ARHGEF7: variants seen among roughly 807,000 people sequenced by gnomAD.
The protein encoded by ARHGEF7 is Rho guanine nucleotide exchange factor 7, also known as PAK-interacting exchange factor beta.
A neutral mutation model predicts 109.8 loss-of-function variants in ARHGEF7; 33 were observed. The ratio of observed to expected loss-of-function variants is 0.30; its 90% CI spans 0.23 to 0.40. ARHGEF7 has a LOEUF of 0.40. ARHGEF7 is among the 10% of genes least tolerant of loss of function. The pLI, the probability that ARHGEF7 is intolerant of heterozygous loss-of-function variation, is 1.00. For missense variants in ARHGEF7, 938 were observed against 1,098.5 expected (o/e 0.85, Z 2.07); for synonymous variants, 458 against 424.6 (o/e 1.08, Z -0.97).
chr13:111,150,932 G>A (rs879203138), intron 1 of ARHGEF7, among the ~76,000 whole-genome samples: 4 of 152,294 alleles, frequency 2.6e-5, no homozygotes, highest in African/African-American at 7.2e-5. Flanking sequence ...TCAACTTCTG[G>A]AATGAAGCAG....
In ARHGEF7 at chr13:111,239,136, C is replaced by A. The variant is rs1423713349; in HGVS notation, c.760-4736C>A. On this transcript the variant is annotated intron_variant, in intron 6 of 21. Transcript: ENST00000646102. This position sits in a 1 kb window ranked among gnomAD's most constrained non-coding sequence, Gnocchi z 4.3. ...CGCTGCGTGCCCCTGCTCCCCCACA[C>A]CCCCGTGCCATGATTCAGTTACCTC... is the stretch of plus-strand genomic sequence containing the variant. 6.6e-6 allele frequency among the ~76,000 whole-genome samples: 1 copy of A among 152,112 alleles called. No individual in the cohort carries two copies.
At chr13:111,143,117 G>T (rs2075426537) in intron 1 of ARHGEF7, among the ~76,000 whole-genome samples, 1 of 152,208 alleles carries the variant, frequency 6.6e-6, no homozygotes, top group African/African-American at 2.4e-5. Flanking sequence ...GAGAACACAA[G>T]TATGAACAGC....
intron 1 of ARHGEF7, among the ~76,000 whole-genome samples, chr13:111,127,724 T>C (rs2067673907): frequency 6.7e-6 from 1 of 149,658 alleles, no homozygotes; most frequent in Non-Finnish European, 1.5e-5. Flanking sequence ...TCCCAAACCA[T>C]TCTAAGTGGT....
rs1184863598 is a variant in ARHGEF7, at chr13:111,283,180, C to G, written c.1767C>G (p.Asp589Glu). The change falls in exon 16 of 22, where the codon GAC becomes GAG. Residue 589 changes from aspartate (D) to glutamate (E), a missense_variant. Physicochemically the swap from Asp to Glu is conservative, Grantham distance 45. Around this residue, in one of 4 missense-constraint regions of ARHGEF7, gnomAD observed 585 missense variants for 723.6 expected, o/e 0.81. Transcript: ENST00000646102. ...HPVTPSSKHA[D>E]SKPAPLTPAY... Reference sequence around the variant, plus strand: ...TCACTCCGTCCAGCAAGCACGCAGACAGCAAGCCCGCGCCGCTGACGCCCG... The same window carrying G: ...TCACTCCGTCCAGCAAGCACGCAGAGAGCAAGCCCGCGCCGCTGACGCCCG... 1 of 1,597,084 alleles carries G rather than the reference C, an allele frequency of 6.3e-7. No individual in the cohort carries two copies. Among genetic ancestry groups the G allele is most frequent in the South Asian group, 1.1e-5 (1 of 88,102 alleles).
chr13:111,260,645 G>A (rs1881598967), intron 8 of ARHGEF7, among the ~76,000 whole-genome samples: 1 of 152,182 alleles, frequency 6.6e-6, no homozygotes, highest in African/African-American at 2.4e-5. Context: ...AATAATGTTA[G>A]TGAGCAATAA....
intron 2 of ARHGEF7, among the ~76,000 whole-genome samples, chr13:111,160,696 T>C (rs1239598155): frequency 6.6e-6 from 1 of 152,102 alleles, no homozygotes; most frequent in African/African-American, 2.4e-5. Context: ...AGTAGAATCC[T>C]AGGAGATGGG....
intron 5 of ARHGEF7, 68 bp downstream of exon 5, chr13:111,217,948 ATAGTGTTTACTC>A (rs2083335928): frequency 2.8e-6 from 4 of 1,452,172 alleles, no homozygotes; most frequent in Middle Eastern, 2.3e-4. Flanking sequence ...TGTACTTGAC[ATAGTGTTTACTC>A]TCCAGCTGGA....
chr13:111,158,996 T>C, intron 2 of ARHGEF7: 1 of 718,128 alleles, frequency 1.4e-6, no homozygotes, highest in South Asian at 1.5e-5. Context: ...TTTTGTACCC[T>C]TTGACTAACA....
chr13:111,160,976 C>CAT (rs1279777265), intron 2 of ARHGEF7, among the ~76,000 whole-genome samples: 3 of 152,262 alleles, frequency 2.0e-5, no homozygotes, highest in Non-Finnish European at 2.9e-5. Context: ...AATGTACATG[C>CAT]CAAACCTGAA....
chr13:111,197,423 A>G, intron 2 of ARHGEF7, among the ~76,000 whole-genome samples: 1 of 152,186 alleles, frequency 6.6e-6, no homozygotes, highest in East Asian at 1.9e-4. Flanking sequence ...TAGACCACAA[A>G]GAGGACTGAG....
At chr13:111,218,374 C>T (rs919079294) in intron 5 of ARHGEF7, among the ~76,000 whole-genome samples, 2 of 151,920 alleles carry the variant, frequency 1.3e-5, no homozygotes, top group African/African-American at 2.4e-5. Flanking sequence ...ACTGACTTTC[C>T]GATTTTGAGG....
rs139871197 is a variant in ARHGEF7, at chr13:111,303,047, G to A, written c.2523G>A (p.Leu841=). Residue 841 remains leucine (L), a synonymous_variant, in exon 22 of 22, where the codon CTG becomes CTA. Transcript: ENST00000646102. ...AAGAACAGAGAGCCCGCAAAGACCT[G>A]GAGAAGCTGGTGAGGAAAGTCCTGA... The part of the protein sequence containing the change: ...LEEEQRARKD[L]EKLVRKVLKN... 41 of 1,614,020 alleles carry A rather than the reference G, an allele frequency of 2.5e-5. No individual in the cohort carries two copies. In the African/African-American group the frequency reaches 5.3e-4, roughly 21 times the overall value.
chr13:111,184,104 C>T (rs965266907), intron 2 of ARHGEF7, among the ~76,000 whole-genome samples: 38 of 152,118 alleles, frequency 2.5e-4, no homozygotes, highest in Admixed American at 6.5e-4. Flanking sequence ...GTTTCCCCGC[C>T]GTTCTCATGA....
intron 5 of ARHGEF7, among the ~76,000 whole-genome samples, chr13:111,218,580 A>G (rs2083426460): frequency 6.6e-6 from 1 of 152,182 alleles, no homozygotes. Context: ...AGTTCCTCAG[A>G]TTCTGCTGGG....
chr13:111,137,598 G>T (rs2075146572), intron 1 of ARHGEF7, among the ~76,000 whole-genome samples: 1 of 152,206 alleles, frequency 6.6e-6, no homozygotes, highest in Admixed American at 6.5e-5. Flanking sequence ...CAGAGAGACA[G>T]AAAGGACATC....
chr13:111,244,363 A>G, intron 8 of ARHGEF7, 69 bp downstream of exon 8: 1 of 906,940 alleles, frequency 1.1e-6, no homozygotes, highest in Non-Finnish European at 1.7e-6. Flanking sequence ...TTAAGTGTGA[A>G]GTAATTTTAG....
At chr13:111,203,677 T>C (rs1025016088) in intron 2 of ARHGEF7, among the ~76,000 whole-genome samples, 1 of 152,172 alleles carries the variant, frequency 6.6e-6, no homozygotes, top group African/African-American at 2.4e-5. Context: ...ATTTGGTGGG[T>C]TTTTCTCTTG....
chr13:111,175,007 A>G (rs1275240347), intron 2 of ARHGEF7, among the ~76,000 whole-genome samples: 1 of 152,220 alleles, frequency 6.6e-6, no homozygotes, highest in Non-Finnish European at 1.5e-5. Context: ...GGGAGCATAC[A>G]GCAGTGTGAA....
At chr13:111,164,825 AAAG>A (rs1048518835) in intron 2 of ARHGEF7, among the ~76,000 whole-genome samples, 1 of 152,228 alleles carries the variant, frequency 6.6e-6, no homozygotes, top group African/African-American at 2.4e-5. Context: ...CCCTGCTACT[AAAG>A]AATTGCTTAA....
Sources: gnomAD v4.1 joint callset for allele counts (sites outside exome capture counted in the v4.1 genomes callset) on GRCh38, gnomAD v4.1.1 for gene constraint, gnomAD v4.1.1 regional missense constraint, Gnocchi (gnomAD v3.1) non-coding constraint, MANE v1.5 for transcripts, NCBI Gene and HGNC (gene_info 2026-07-23, HGNC 2026-07-21) for gene names.